The following DOCK3 variants were observed in gnomAD, a reference collection of about 807,000 sequenced individuals.
DOCK3 encodes dedicator of cytokinesis 3, also known as dedicator of cytokinesis protein 3.
DOCK3 carries 60 observed loss-of-function variants against 265.6 expected under a neutral mutation model. The observed-to-expected ratio is 0.23, with a 90% CI of 0.18 to 0.28. The LOEUF (loss-of-function observed/expected upper bound fraction) is 0.28. DOCK3 is among the 10% of genes least tolerant of loss of function. The pLI, the probability that DOCK3 is intolerant of heterozygous loss-of-function variation, is 1.00. For synonymous variants in DOCK3, 881 were observed against 938.0 expected (o/e 0.94, Z 1.11); for missense variants, 1,981 against 2,594.3 (o/e 0.76, Z 5.14).
intron 1 of DOCK3, among the ~76,000 whole-genome samples, chr3:50,733,497 AT>A (rs2038350399): frequency 6.6e-6 from 1 of 152,066 alleles, no homozygotes; most frequent in African/African-American, 2.4e-5. Flanking sequence ...CTCTTATAAA[AT>A]TTTTCACCGA....
rs369682958 is a variant in DOCK3 at position 51,229,863 on chromosome 3, C to T, written c.1917+254C>T. On this transcript the variant is annotated intron_variant, in intron 19 of 52. Coordinates refer to ENST00000266037, the MANE Select transcript of DOCK3 (RefSeq NM_004947.5). ...TTTAACAGTGCAGAATATATGTTCA[C>T]AAAGTAGAATGATTGCAGAATGACC... Among the ~76,000 whole-genome samples, 50 of 152,262 alleles carry T rather than the reference C, an allele frequency of 3.3e-4. 1 individual carries two copies. The South Asian group carries it at 9.9e-3, about 30-fold the overall frequency.
chr3:50,919,219 C>T (rs541630933), intron 4 of DOCK3, among the ~76,000 whole-genome samples: 46 of 152,230 alleles, frequency 3.0e-4, no homozygotes, highest in African/African-American at 1.1e-3. Flanking sequence ...GTTCTTTTGG[C>T]TTAGGATTGT....
intron 1 of DOCK3, among the ~76,000 whole-genome samples, chr3:50,742,510 T>C (rs1251582172): frequency 6.6e-6 from 1 of 150,990 alleles, no homozygotes; most frequent in Non-Finnish European, 1.5e-5. Context: ...AAGGAGCTGA[T>C]GGAGCTGAAA....
chr3:51,134,721 G>A (rs1211285541), intron 9 of DOCK3, among the ~76,000 whole-genome samples: 3 of 152,120 alleles, frequency 2.0e-5, no homozygotes, highest in South Asian at 2.1e-4. Flanking sequence ...GTGGCTTGCA[G>A]CATTTCCCAG....
At chr3:50,953,342 T>C (rs2076643356) in intron 5 of DOCK3, among the ~76,000 whole-genome samples, 1 of 152,118 alleles carries the variant, frequency 6.6e-6, no homozygotes, top group Admixed American at 6.5e-5. Context: ...GAAGATAAAG[T>C]CTTCACATTA....
chr3:50,902,711 A>G (rs991423444), intron 4 of DOCK3, among the ~76,000 whole-genome samples: 5 of 152,210 alleles, frequency 3.3e-5, no homozygotes, highest in African/African-American at 1.2e-4. Context: ...AATTCTGTGA[A>G]GAATGTCAAT....
Position 51,227,993 on chromosome 3 carries a change from G to T in DOCK3, c.1552G>T (p.Gly518Trp). 1 of 1,614,012 alleles carries T rather than the reference G, an allele frequency of 6.2e-7. No homozygotes were observed. ...EFRHCSTKDK[G>W]EKKLFGFAFS... ...GGCTCTGATTACAGCAAAGGACAAA[G>T]GGGAAAAGAAACTCTTTGGCTTTGC... The change falls in exon 17 of 53, where the codon GGG becomes TGG. Residue 518 changes from glycine (G) to tryptophan (W), a missense_variant. Coordinates refer to ENST00000266037, the MANE Select transcript of DOCK3 (RefSeq NM_004947.5).
rs530787569 is a variant in DOCK3 at position 50,904,162 on chromosome 3, T to C, written c.218+14081T>C. ...CACATTTTCTTAATCCAGTCTATCATTGATGGACATTTGCGTTGGTTCCAA... is the reference window on the plus strand; with the variant it reads ...CACATTTTCTTAATCCAGTCTATCACTGATGGACATTTGCGTTGGTTCCAA... On this transcript the variant is annotated intron_variant, in intron 4 of 52. Coordinates refer to ENST00000266037, the MANE Select transcript of DOCK3 (RefSeq NM_004947.5). Among the ~76,000 whole-genome samples, 64 of 152,356 alleles carry C rather than the reference T, an allele frequency of 4.2e-4. 2 individuals carry two copies. In the South Asian group the frequency reaches 0.01, roughly 25 times the overall value.
chr3:50,732,989 G>A (rs896814240), intron 1 of DOCK3, among the ~76,000 whole-genome samples: 1 of 151,928 alleles, frequency 6.6e-6, no homozygotes, highest in Admixed American at 6.6e-5. Flanking sequence ...TTTAAAGATG[G>A]GAGGCTGGTC....
chr3:51,249,104 G>T (rs1243301348), intron 22 of DOCK3, among the ~76,000 whole-genome samples: 1 of 151,016 alleles, frequency 6.6e-6, no homozygotes, highest in Non-Finnish European at 1.5e-5. Flanking sequence ...GGGAGGTGGG[G>T]GGGGTCAGCC....
intron 14 of DOCK3, among the ~76,000 whole-genome samples, chr3:51,225,134 A>C (rs2090273048): frequency 6.6e-6 from 1 of 152,208 alleles, no homozygotes. Context: ...GGGATTTGGA[A>C]CAAAGCCTCC....
At chr3:51,110,245 T>C (rs1214587062) in intron 9 of DOCK3, among the ~76,000 whole-genome samples, 2 of 152,068 alleles carry the variant, frequency 1.3e-5, no homozygotes, top group African/African-American at 4.8e-5. Context: ...TCTACAGATA[T>C]ACAAAGAAAA....
At chr3:51,291,395 C>T (rs549759610) in intron 27 of DOCK3, among the ~76,000 whole-genome samples, 1 of 152,014 alleles carries the variant, frequency 6.6e-6, no homozygotes, top group Admixed American at 6.6e-5. Flanking sequence ...ACAGAAGAGT[C>T]AAGTCAGAAA....
At position 50,869,342 on chromosome 3, in the gene DOCK3, ATTTTTT is replaced by A. The variant is rs755531254; in HGVS notation, c.163-20641_163-20636del. On this transcript the variant is annotated intron_variant, in intron 3 of 52. Coordinates refer to ENST00000266037, the MANE Select transcript of DOCK3 (RefSeq NM_004947.5). The stretch of plus-strand genomic sequence containing the variant: ...TCAATTTTATTTATTTCTGCTGGGA[ATTTTTT>A]TTTTTTTTTTTTTTTTTTTTTTTTT... Among the ~76,000 whole-genome samples the A allele has an allele frequency of 1.0e-4, 7 of 70,106 alleles. 3 individuals carry two copies. The highest frequency in any genetic ancestry group is 3.3e-4 in the African/African-American group (5 of 15,142). The allele number at this position is 70,106 out of a possible 152,430, so 46.0% of individuals were successfully genotyped here.
chr3:50,931,676 G>A (rs1310304787), intron 4 of DOCK3, among the ~76,000 whole-genome samples: 1 of 152,156 alleles, frequency 6.6e-6, no homozygotes, highest in African/African-American at 2.4e-5. Flanking sequence ...TTAAACCATA[G>A]TTATTTTCCT....
chr3:50,821,170 G>T (rs2459452), intron 2 of DOCK3, among the ~76,000 whole-genome samples: 1 of 139,104 alleles, frequency 7.2e-6, no homozygotes. Flanking sequence ...CTGTGCAGAA[G>T]AAGCTCTTTA....
chr3:51,069,554 G>A (rs968527573), intron 6 of DOCK3, among the ~76,000 whole-genome samples: 6 of 150,022 alleles, frequency 4.0e-5, no homozygotes, highest in Admixed American at 1.3e-4. Flanking sequence ...GTGTATATAT[G>A]TGTGTATATA....
chr3:50,889,956 T>C (rs2048563488), intron 3 of DOCK3, 70 bp from the exon 4 acceptor site: 5 of 1,216,582 alleles, frequency 4.1e-6, no homozygotes, highest in Non-Finnish European at 4.3e-6. Flanking sequence ...ATCTGATTGC[T>C]ATTTTTGTAT....
intron 2 of DOCK3, among the ~76,000 whole-genome samples, chr3:50,803,029 T>TC (rs934535904): frequency 1.3e-5 from 2 of 150,730 alleles, no homozygotes; most frequent in Non-Finnish European, 3.0e-5. Context: ...CAGAAATTCT[T>TC]TTTTTTTTAA....
Sources: gnomAD v4.1 joint callset for allele counts (sites outside exome capture counted in the v4.1 genomes callset) on GRCh38, gnomAD v4.1.1 for gene constraint, MANE v1.5 for transcripts, NCBI Gene and HGNC (gene_info 2026-07-23, HGNC 2026-07-21) for gene names.